Variants in NLGN1 observed in about 807,000 individuals in gnomAD.
The protein encoded by NLGN1 is neuroligin-1.
A neutral mutation model predicts 65.5 loss-of-function variants in NLGN1; 12 were observed. That is an observed-to-expected ratio of 0.18 (90% CI 0.12 to 0.30). The LOEUF is 0.30. Ranked by LOEUF, NLGN1 falls within the 10% of genes least tolerant of loss-of-function variation. The pLI is 1.00. For synonymous variants in NLGN1, 350 were observed against 359.5 expected (o/e 0.97, Z 0.30); for missense variants, 750 against 1,007.1 (o/e 0.74, Z 3.46).
chr3:173,583,334 A>G (rs1021303092), intron 2 of NLGN1, among the ~76,000 whole-genome samples: 1 of 152,188 alleles, frequency 6.6e-6, no homozygotes, highest in Non-Finnish European at 1.5e-5. Flanking sequence ...TGATTCTCCC[A>G]TCCAGGAACA....
downstream of NLGN1, among the ~76,000 whole-genome samples, chr3:174,290,506 G>A (rs572255513): frequency 8.6e-5 from 13 of 150,940 alleles, no homozygotes; most frequent in Admixed American, 4.0e-4. Flanking sequence ...TCATGTCCTC[G>A]AAATAGGGAA....
intron 4 of NLGN1, among the ~76,000 whole-genome samples, chr3:174,063,378 T>C (rs1298716078): frequency 2.0e-5 from 3 of 152,116 alleles, no homozygotes; most frequent in Admixed American, 1.3e-4. Flanking sequence ...CTATGGGAAA[T>C]GACATCCGTA....
At chr3:173,700,994 G>A (rs1026646838) in intron 3 of NLGN1, among the ~76,000 whole-genome samples, 25 of 152,128 alleles carry the variant, frequency 1.6e-4, no homozygotes, top group East Asian at 7.8e-4. Flanking sequence ...GCGTGGTGGC[G>A]GGCGCCTGTA....
At chr3:173,672,351 G>A (rs980186775) in intron 3 of NLGN1, among the ~76,000 whole-genome samples, 1 of 152,194 alleles carries the variant, frequency 6.6e-6, no homozygotes, top group African/African-American at 2.4e-5. Flanking sequence ...CTGTGAGGCA[G>A]TAGATGGTTG....
At chr3:173,958,918 G>T (rs562557846) in intron 4 of NLGN1, among the ~76,000 whole-genome samples, 1 of 152,222 alleles carries the variant, frequency 6.6e-6, no homozygotes, top group Non-Finnish European at 1.5e-5. Context: ...ACTGCCCTGA[G>T]CATGCACGCA....
chr3:173,637,996 A>G (rs879786326), intron 3 of NLGN1, among the ~76,000 whole-genome samples: 2 of 152,200 alleles, frequency 1.3e-5, no homozygotes, highest in Non-Finnish European at 2.9e-5. Context: ...AATTGAAGAT[A>G]TATACTAATA....
chr3:174,053,742 T>G (rs1735420063), intron 4 of NLGN1, among the ~76,000 whole-genome samples: 1 of 151,974 alleles, frequency 6.6e-6, no homozygotes, highest in Admixed American at 6.6e-5. Context: ...GCCCTTTTCC[T>G]TCTTTTACTG....
At chr3:173,512,659 A>C (rs1388169067) in intron 2 of NLGN1, among the ~76,000 whole-genome samples, 2 of 152,204 alleles carry the variant, frequency 1.3e-5, no homozygotes, top group Non-Finnish European at 2.9e-5. Context: ...GTGGACACAC[A>C]GGGATGGAAG....
intron 2 of NLGN1, among the ~76,000 whole-genome samples, chr3:173,539,549 T>TATATACATAATATATATA (rs1223007409): frequency 7.0e-6 from 1 of 142,238 alleles, no homozygotes; most frequent in African/African-American, 2.6e-5. Flanking sequence ...ATATATAAAA[T>TATATACATAATATATATA]ATATACATAA....
At chr3:173,774,935 T>C (rs551637312) in intron 3 of NLGN1, among the ~76,000 whole-genome samples, 12 of 152,306 alleles carry the variant, frequency 7.9e-5, no homozygotes, top group African/African-American at 2.6e-4. Flanking sequence ...ACCTATAGTT[T>C]TAATGCAGTG....
At chr3:173,935,070 C>T (rs144874456) in intron 4 of NLGN1, among the ~76,000 whole-genome samples, 165 of 152,096 alleles carry the variant, frequency 1.1e-3, no homozygotes, top group African/African-American at 3.9e-3. Context: ...CTTTTTCAGA[C>T]CAATCATTGC....
intron 4 of NLGN1, among the ~76,000 whole-genome samples, chr3:173,830,396 C>T (rs751868639): frequency 4.6e-5 from 7 of 152,260 alleles, no homozygotes; most frequent in Non-Finnish European, 8.8e-5. Flanking sequence ...CTTGATATGC[C>T]TAACAGCATC....
In NLGN1 at chr3:173,650,163, G is replaced by A. The variant is rs562642248; in HGVS notation, c.493+45072G>A. 1.4e-3 allele frequency among the ~76,000 whole-genome samples: 213 copies of A among 151,836 alleles called. 1 individual carries two copies. Among genetic ancestry groups the A allele is most frequent in the African/African-American group, 5.0e-3 (208 of 41,414 alleles). ...ATTTTTTTTAACTTAATACATCTTA[G>A]ATGTAACACAGACCATGAATATCCA... On this transcript the variant is annotated intron_variant, in intron 3 of 6. Coordinates refer to ENST00000457714, the Ensembl canonical transcript of NLGN1.
At chr3:173,516,958 A>T (rs772815282) in intron 2 of NLGN1, among the ~76,000 whole-genome samples, 1 of 152,060 alleles carries the variant, frequency 6.6e-6, no homozygotes, top group Non-Finnish European at 1.5e-5. Context: ...ATTTATATAC[A>T]TATTATCTTA....
chr3:173,999,060 C>T (rs370278522), intron 4 of NLGN1, among the ~76,000 whole-genome samples: 15 of 152,196 alleles, frequency 9.9e-5, no homozygotes, highest in African/African-American at 3.1e-4. Flanking sequence ...ATAGAGCATG[C>T]TTTCTCCAAC....
In NLGN1 at chr3:173,685,746, C is replaced by T; in HGVS notation, c.493+80655C>T. On this transcript the variant is annotated intron_variant, in intron 3 of 6. Coordinates refer to ENST00000457714, the Ensembl canonical transcript of NLGN1. Reference sequence around the variant, plus strand: ...ACCAAGATTGGGTGATCCAGTGTGACTCTGAAGCATGTGCTGGGGCTTTTT... The same window carrying T: ...ACCAAGATTGGGTGATCCAGTGTGATTCTGAAGCATGTGCTGGGGCTTTTT... The T allele has an allele frequency of 6.1e-6, 6 of 985,388 alleles. No individual in the cohort carries two copies. In the South Asian group the frequency reaches 2.8e-4, roughly 46 times the overall value. 61.0% of individuals were successfully genotyped at this position (985,388 alleles called of 1,614,324 possible). A position where few individuals can be genotyped will look rare whatever the true frequency, so the allele number is the denominator to read the frequency against.
At chr3:173,692,861 G>A (rs1765672457) in intron 3 of NLGN1, among the ~76,000 whole-genome samples, 2 of 152,028 alleles carry the variant, frequency 1.3e-5, no homozygotes, top group Non-Finnish European at 2.9e-5. Flanking sequence ...GAACACTGAT[G>A]GAAATAAGGA....
intron 2 of NLGN1, among the ~76,000 whole-genome samples, chr3:173,585,194 A>G (rs1341063060): frequency 6.6e-6 from 1 of 152,140 alleles, no homozygotes; most frequent in Admixed American, 6.5e-5. Flanking sequence ...ACCTAGATCG[A>G]GCTAAAAAAC....
intron 1 of NLGN1, among the ~76,000 whole-genome samples, chr3:173,433,536 C>T (rs891669775): frequency 9.2e-5 from 14 of 152,176 alleles, no homozygotes; most frequent in African/African-American, 3.4e-4. Context: ...TCTTTCATGT[C>T]CCTCAGTAAA....
Sources: gnomAD v4.1 joint callset for allele counts (sites outside exome capture counted in the v4.1 genomes callset) on GRCh38, gnomAD v4.1.1 for gene constraint, MANE v1.5 for transcripts, NCBI Gene and HGNC (gene_info 2026-07-23, HGNC 2026-07-21) for gene names.